ADAMTS10: variants seen among roughly 807,000 people sequenced by gnomAD.
ADAMTS10 encodes ADAM metallopeptidase with thrombospondin type 1 motif 10.
Under a neutral mutation model 135.9 loss-of-function variants are expected in ADAMTS10, and 48 were observed. The ratio of observed to expected loss-of-function variants is 0.35; its 90% CI spans 0.28 to 0.45. The LOEUF (loss-of-function observed/expected upper bound fraction) is 0.45, where lower values mean the gene tolerates loss of function less well. ADAMTS10 is among the 20% of genes least tolerant of loss of function. The probability of loss-of-function intolerance (pLI) is 1.00; values close to 1 mark genes in which losing one functional copy is unlikely to be tolerated. For synonymous variants in ADAMTS10, 621 were observed against 647.5 expected (o/e 0.96, Z 0.62); for missense variants, 1,131 against 1,565.2 (o/e 0.72, Z 4.68).
chr19:8,601,098 G>A lies in ADAMTS10; in HGVS notation c.640C>T (p.Pro214Ser). ...GRPWWLRTLK[P>S]PPARPLGNET... is the part of the protein sequence containing the mutation. Reference sequence around the variant, plus strand: ...TTCCCCAGGGGCCTGGCAGGCGGTGGCTTCAAGGTCCGCAGCCACCATGGC... The same window carrying A: ...TTCCCCAGGGGCCTGGCAGGCGGTGACTTCAAGGTCCGCAGCCACCATGGC... The change falls in exon 6 of 26, where the codon CCA (proline) becomes TCA (serine). Residue 214 changes from proline to serine, a missense_variant. By Grantham distance (74) the Pro-to-Ser change is moderately conservative. Coordinates refer to ENST00000597188, the MANE Select transcript of ADAMTS10 (RefSeq NM_030957.4). This position sits in a 1 kb window ranked among gnomAD's most constrained non-coding sequence, Gnocchi z 4.6. The A allele has an allele frequency of 1.2e-6, 2 of 1,613,998 alleles. No individual in the cohort carries two copies. The highest frequency in any genetic ancestry group is 1.7e-6 in the Non-Finnish European group (2 of 1,180,040).
Position 8,581,860 on chromosome 19 carries a change from C to A in ADAMTS10, c.3203-858G>T, listed in dbSNP as rs868939019. Among the ~76,000 whole-genome samples the A allele has an allele frequency of 1.3e-3, 166 of 127,588 alleles. 1 individual carries two copies. Among genetic ancestry groups the A allele is most frequent in the African/African-American group, 3.3e-3 (112 of 33,524 alleles). 83.7% of individuals were successfully genotyped at this position (127,588 alleles called of 152,430 possible). On this transcript the variant is annotated intron_variant, in intron 25 of 25. Coordinates refer to ENST00000597188, the MANE Select transcript of ADAMTS10 (RefSeq NM_030957.4). ...AAAACAAAACAAAAAAACAAAAAAA[C>A]AAAAAAAAAAAAAAGGAAAAATTAG...
At chr19:8,589,810 GCTGCATTCATCCAC>G in intron 16 of ADAMTS10, 65 bp downstream of exon 16, 1 of 1,482,818 alleles carries the variant, frequency 6.7e-7, no homozygotes, top group Non-Finnish European at 9.3e-7. Flanking sequence ...ACCCCGGGAT[GCTGCATTCATCCAC>G]CTGCTGCTGG....
rs1348002357 is a variant in ADAMTS10, at chr19:8,592,504, T to C, written c.1587+259A>G. ...GCGTGGCCAGAGCCGTGGGAATCAT[T>C]ACACGGTGGGCGTGGCCAACGCGGG... On this transcript the variant is annotated intron_variant, in intron 13 of 25. Transcript: ENST00000597188. Among the ~76,000 whole-genome samples the C allele has an allele frequency of 7.4e-5, 11 of 148,844 alleles. No homozygotes were observed. In the East Asian group the frequency reaches 2.2e-3, roughly 30 times the overall value.
In ADAMTS10 at chr19:8,601,119, A is replaced by G. The variant is rs1555741512; in HGVS notation, c.619T>C (p.Trp207Arg). 6.2e-7 allele frequency: 1 copy of G among 1,613,942 alleles called. No homozygotes were observed. Residue 207 changes from tryptophan (W) to arginine (R), a missense_variant, in exon 6 of 26, where the codon TGG becomes CGG. Transcript: ENST00000597188. This position sits in a 1 kb window ranked among gnomAD's most constrained non-coding sequence, Gnocchi z 4.6. ...RDEKPWKGRP[W>R]WLRTLKPPPA... is the part of the protein sequence containing the mutation. ...GGTGGCTTCAAGGTCCGCAGCCACC[A>G]TGGCCGCCCTTTCCACGGTTTCTCA... is the stretch of plus-strand genomic sequence containing the variant.
In ADAMTS10 at chr19:8,591,970, C is replaced by T; in HGVS notation, c.1721G>A (p.Cys574Tyr). 6.2e-7 allele frequency: 1 copy of T among 1,613,510 alleles called. No homozygotes were observed. The highest frequency in any genetic ancestry group is 8.5e-7 in the Non-Finnish European group (1 of 1,179,830). Residue 574 changes from cysteine (C) to tyrosine (Y), a missense_variant, in exon 14 of 26, where the codon TGC (cysteine) becomes TAC (tyrosine). Coordinates refer to ENST00000597188, the MANE Select transcript of ADAMTS10 (RefSeq NM_030957.4). Reference protein sequence around the residue: ...GGGVSSSSRHCDSPRPTIGGK... With the variant: ...GGGVSSSSRHYDSPRPTIGGK... ...CCTGAGGGCTGACCTGGGGCTGTCGCAGTGACGGCTAGAAGAGGACACGCC... is the reference window on the plus strand; with the variant it reads ...CCTGAGGGCTGACCTGGGGCTGTCGTAGTGACGGCTAGAAGAGGACACGCC...
Position 8,596,711 on chromosome 19 carries a change from G to A in ADAMTS10, c.1041-126C>T. On this transcript the variant is annotated intron_variant, in intron 8 of 25. Transcript: ENST00000597188. The surrounding 1 kb of genome is among the most constrained non-coding windows in gnomAD (Gnocchi z 7.2). ...CGCCATCTGCCTCTCACCTGAAGCT[G>A]CATACAGGAGTGACTGACCACATGA... is the stretch of plus-strand genomic sequence containing the variant. 8.2e-7 allele frequency: 1 copy of A among 1,217,488 alleles called. No individual in the cohort carries two copies. The highest frequency in any genetic ancestry group is 1.2e-6 in the Non-Finnish European group (1 of 859,210). 75.4% of individuals were successfully genotyped at this position (1,217,488 alleles called of 1,614,324 possible). A position where few individuals can be genotyped will look rare whatever the true frequency, so the allele number is the denominator to read the frequency against.
chr19:8,581,786 G>A (rs1367560169), intron 25 of ADAMTS10, among the ~76,000 whole-genome samples: 2 of 150,726 alleles, frequency 1.3e-5, no homozygotes, highest in Non-Finnish European at 2.9e-5. Context: ...AGTGAGCCGC[G>A]ATTGCACCAC....
chr19:8,589,014 AC>A (rs1439413298), intron 18 of ADAMTS10, among the ~76,000 whole-genome samples: 1 of 151,664 alleles, frequency 6.6e-6, no homozygotes, highest in African/African-American at 2.4e-5. Context: ...CTGGTCTCAA[AC>A]TCCTGGCCTC....
At position 8,596,053 on chromosome 19, in the gene ADAMTS10, A is replaced by G. The variant is rs1600110168; in HGVS notation, c.1337+20T>C. 6.2e-7 allele frequency: 1 copy of G among 1,614,104 alleles called. No homozygotes were observed. The highest frequency in any genetic ancestry group is 2.2e-5 in the East Asian group (1 of 44,866). ...CCATGAGTGTGACCCGCTCTGAGGG[A>G]CACCCAGGTGCATCCTCACTCTAGA... On this transcript the variant is annotated intron_variant, in intron 11 of 25. Coordinates refer to ENST00000597188, the MANE Select transcript of ADAMTS10 (RefSeq NM_030957.4). This position sits in a 1 kb window ranked among gnomAD's most constrained non-coding sequence, Gnocchi z 7.2.
At chr19:8,609,550 G>GGCTGCACATCT (rs2042758182) in intron 1 of ADAMTS10, among the ~76,000 whole-genome samples, 1 of 152,042 alleles carries the variant, frequency 6.6e-6, no homozygotes, top group Non-Finnish European at 1.5e-5. Context: ...GCCTCCTCCC[G>GGCTGCACATCT]GCTGCACATC....
intron 2 of ADAMTS10, among the ~76,000 whole-genome samples, chr19:8,607,803 TC>T (rs2042736802): frequency 6.8e-6 from 1 of 146,374 alleles, no homozygotes; most frequent in African/African-American, 2.6e-5. Flanking sequence ...CTGTTGTTGT[TC>T]TCTCTCTCTC....
rs1027053190 is a variant in ADAMTS10 at position 8,589,489 on chromosome 19, G to A, written c.1997C>T (p.Pro666Leu). ...ACTGACGCAAATGTCCACCGTGTCT[G>A]GACGGCAGGGTGTCCCGTCCACCAC... ...AAVVDGTPCR[P>L]DTVDICVSGE... Residue 666 changes from proline (P) to leucine (L), a missense_variant, in exon 17 of 26, where the codon CCA becomes CTA. This residue lies in a region of ADAMTS10 where 745 missense variants were observed against 1,056.3 expected (regional missense o/e 0.71). Transcript: ENST00000597188. The A allele has an allele frequency of 4.3e-6, 7 of 1,612,444 alleles. No homozygotes were observed. Among genetic ancestry groups the A allele is most frequent in the Non-Finnish European group, 5.9e-6 (7 of 1,179,806 alleles).
chr19:8,595,433 G>A (rs928652731), intron 12 of ADAMTS10, among the ~76,000 whole-genome samples: 8 of 152,270 alleles, frequency 5.3e-5, no homozygotes, highest in African/African-American at 1.2e-4. Flanking sequence ...AAACTGCCCC[G>A]TGAGAGGTCT....
intron 11 of ADAMTS10, 53 bp from the exon 12 acceptor site, chr19:8,595,956 C>A: frequency 6.2e-7 from 1 of 1,614,050 alleles, no homozygotes; most frequent in South Asian, 1.1e-5. Context: ...ATCAAGAGCT[C>A]AGGAGCCTCA....
intron 6 of ADAMTS10, among the ~76,000 whole-genome samples, chr19:8,598,115 T>C (rs531544796): frequency 2.6e-5 from 4 of 152,264 alleles, no homozygotes; most frequent in Non-Finnish European, 5.9e-5. Flanking sequence ...TGCCTGGCCA[T>C]GCATCAGTCT....
intron 2 of ADAMTS10, among the ~76,000 whole-genome samples, chr19:8,607,469 C>G (rs782550578): frequency 1.3e-5 from 2 of 152,188 alleles, no homozygotes; most frequent in Non-Finnish European, 2.9e-5. Flanking sequence ...GCCGCAGACA[C>G]CACTTTGGGC....
At chr19:8,591,175 A>G (rs1417485285) in intron 15 of ADAMTS10, among the ~76,000 whole-genome samples, 2 of 152,092 alleles carry the variant, frequency 1.3e-5, no homozygotes, top group African/African-American at 2.4e-5. Context: ...AGGCAGGGGT[A>G]GGACTCTTCA....
chr19:8,586,902 C>T lies in ADAMTS10; in HGVS notation c.2159-6G>A. On this transcript the variant is annotated splice_region_variant and splice_polypyrimidine_tract_variant and intron_variant, in intron 18 of 25. Transcript: ENST00000597188. ...CCAGACGACATCCTCGTACCCTGAA[C>T]AGCAGAGCTCAGATGTCACCCACTT... is the stretch of plus-strand genomic sequence containing the variant. 1 of 1,614,190 alleles carries T rather than the reference C, an allele frequency of 6.2e-7. No homozygotes were observed.
rs1555736775 is a variant in ADAMTS10 at position 8,585,507 on chromosome 19, G to A, written c.2814C>T (p.Ala938=). The change falls in exon 23 of 26, where the codon GCC becomes GCT. Residue 938 remains alanine, a synonymous_variant. Coordinates refer to ENST00000597188, the MANE Select transcript of ADAMTS10 (RefSeq NM_030957.4). ...CPQPRPPVLE[A]CHGPTCPPEW... is the part of the protein sequence containing the mutation. The stretch of plus-strand genomic sequence containing the variant: ...CCGGAGGGCAAGTGGGGCCGTGGCA[G>A]GCCTCCAGTACAGGTGGGCGCGGCT... 1.3e-6 allele frequency: 2 copies of A among 1,546,374 alleles called. No homozygotes were observed. Among genetic ancestry groups the A allele is most frequent in the East Asian group, 2.4e-5 (1 of 41,296 alleles).
Sources: gnomAD v4.1 joint callset for allele counts (sites outside exome capture counted in the v4.1 genomes callset) on GRCh38, gnomAD v4.1.1 for gene constraint, gnomAD v4.1.1 regional missense constraint, Gnocchi (gnomAD v3.1) non-coding constraint, MANE v1.5 for transcripts, NCBI Gene and HGNC (gene_info 2026-07-23, HGNC 2026-07-21) for gene names.